The following S100Z variants were observed in gnomAD, a reference collection of about 807,000 sequenced individuals.
S100Z encodes protein S100-Z.
In S100Z, 11 loss-of-function variants were observed where a neutral mutation model predicts 8.5. The ratio of observed to expected loss-of-function variants is 1.30; its 90% CI spans 0.82 to 2.15. S100Z has a LOEUF of 2.15. Ranked by LOEUF, S100Z falls within the 30% of genes most tolerant of loss-of-function variation. The pLI is 0.00. For synonymous variants in S100Z, 34 were observed against 43.8 expected (o/e 0.78, Z 0.89); for missense variants, 126 against 117.9 (o/e 1.07, Z -0.32).
downstream of S100Z, among the ~76,000 whole-genome samples, chr5:76,924,874 C>G (rs867489019): frequency 6.6e-6 from 1 of 150,626 alleles, no homozygotes; most frequent in Non-Finnish European, 1.5e-5. Flanking sequence ...GATGGCGCCA[C>G]GGCACTCCAG....
the S100Z span, among the ~76,000 whole-genome samples, chr5:76,947,272 T>C: frequency 6.6e-6 from 1 of 151,686 alleles, no homozygotes; most frequent in East Asian, 2.0e-4. Context: ...ACGCTCAAGT[T>C]TGTTATCAGT....
the S100Z span, chr5:76,952,929 C>T: frequency 6.9e-6 from 4 of 576,534 alleles, no homozygotes; most frequent in African/African-American, 3.7e-5. Flanking sequence ...GTCATCGCCA[C>T]GTACTCTGTC....
At chr5:76,916,788 C>A (rs1223150790) in intron 4 of S100Z, among the ~76,000 whole-genome samples, 3 of 152,098 alleles carry the variant, frequency 2.0e-5, no homozygotes, top group Non-Finnish European at 4.4e-5. Flanking sequence ...CTAAAGAAGT[C>A]TTGAGAGGCA....
chr5:76,899,856 ATTAT>A (rs1744172592), intron 4 of S100Z, among the ~76,000 whole-genome samples: 2 of 151,982 alleles, frequency 1.3e-5, no homozygotes, highest in South Asian at 4.1e-4. Context: ...CCTTCAGGTG[ATTAT>A]TTATTGCTCA....
At chr5:76,935,490 C>A in the S100Z span, among the ~76,000 whole-genome samples, 1 of 152,106 alleles carries the variant, frequency 6.6e-6, no homozygotes, top group African/African-American at 2.4e-5. Flanking sequence ...AGTAAGCAAC[C>A]ACTTTGCTCA....
At chr5:76,866,565 G>T (rs891698859) in intron 1 of S100Z, among the ~76,000 whole-genome samples, 1 of 152,020 alleles carries the variant, frequency 6.6e-6, no homozygotes, top group Non-Finnish European at 1.5e-5. Context: ...GTCCTATAAA[G>T]GTGTACTATT....
At chr5:76,932,581 T>C in the S100Z span, among the ~76,000 whole-genome samples, 10 of 152,166 alleles carry the variant, frequency 6.6e-5, no homozygotes, top group Admixed American at 6.5e-4. Context: ...CTCGAACTCT[T>C]GGCCTCAAGT....
At position 76,876,614 on chromosome 5, in the gene S100Z, GC is replaced by G. The variant is rs553564150; in HGVS notation, c.142-1058del. 2.9e-3 allele frequency among the ~76,000 whole-genome samples: 448 copies of G among 152,170 alleles called. 4 individuals are homozygous for G. Among genetic ancestry groups the G allele is most frequent in the African/African-American group, 0.01 (430 of 41,514 alleles). ...TCGAACTCCTGACCTCAAGTGATCT[GC>G]CTGCCTCGGCCTCCCAAAGTGCTGA... On this transcript the variant is annotated intron_variant, in intron 3 of 4. Transcript: ENST00000317593.
chr5:76,850,353 A>AGAGAGAGAGAGAGG (rs1561218252), intron 1 of S100Z, among the ~76,000 whole-genome samples, 198 bp downstream of exon 1: 2 of 132,064 alleles, frequency 1.5e-5, no homozygotes, highest in Non-Finnish European at 3.1e-5. Flanking sequence ...AGAGAGAGAG[A>AGAGAGAGAGAGAGG]GAGAGGGAGA....
intron 2 of S100Z, among the ~76,000 whole-genome samples, chr5:76,874,050 G>A (rs1191058481): frequency 1.3e-5 from 2 of 151,840 alleles, no homozygotes; most frequent in Non-Finnish European, 2.9e-5. Context: ...CCTTACCCCT[G>A]ACAGCTCCCA....
At chr5:76,926,808 A>C in the S100Z span, among the ~76,000 whole-genome samples, 2 of 152,210 alleles carry the variant, frequency 1.3e-5, no homozygotes, top group African/African-American at 2.4e-5. Flanking sequence ...TGCAAAATAG[A>C]AAGGAAAAGA....
intron 4 of S100Z, among the ~76,000 whole-genome samples, chr5:76,907,104 G>T (rs1269491067): frequency 6.7e-6 from 1 of 148,392 alleles, no homozygotes; most frequent in Non-Finnish European, 1.5e-5. Flanking sequence ...GCTATTGAAG[G>T]TTCTTTTTTG....
At chr5:76,899,626 A>C (rs983178802) in intron 4 of S100Z, among the ~76,000 whole-genome samples, 1 of 152,176 alleles carries the variant, frequency 6.6e-6, no homozygotes, top group African/African-American at 2.4e-5. Context: ...AAAAACATAA[A>C]AACTCTATGC....
At chr5:76,876,591 G>A (rs1471357095) in intron 3 of S100Z, among the ~76,000 whole-genome samples, 1 of 151,932 alleles carries the variant, frequency 6.6e-6, no homozygotes, top group Non-Finnish European at 1.5e-5. Flanking sequence ...GGCTGGTCTC[G>A]AACTCCTGAC....
chr5:76,900,656 GT>G (rs1227664372), intron 4 of S100Z, among the ~76,000 whole-genome samples: 4 of 152,094 alleles, frequency 2.6e-5, no homozygotes, highest in Non-Finnish European at 4.4e-5. Context: ...ATTTCTTTGA[GT>G]TTCTTCAACA....
intron 4 of S100Z, among the ~76,000 whole-genome samples, chr5:76,903,827 G>A (rs922177063): frequency 2.6e-5 from 4 of 151,580 alleles, no homozygotes; most frequent in East Asian, 1.9e-4. Flanking sequence ...CCAGGTTCAA[G>A]CAATTCTTTG....
intron 2 of S100Z, among the ~76,000 whole-genome samples, chr5:76,872,940 T>G (rs1313416653): frequency 6.6e-6 from 1 of 152,032 alleles, no homozygotes. Context: ...ACCACTGCAC[T>G]CCAGCCTGGG....
chr5:76,870,330 C>G (rs1742963914), intron 2 of S100Z, 46 bp downstream of exon 2: 1 of 152,118 alleles, frequency 6.6e-6, no homozygotes, highest in South Asian at 2.1e-4. Context: ...AACATAATGT[C>G]TGATGGGGTT....
chr5:76,855,783 T>C (rs1750864935), intron 1 of S100Z, among the ~76,000 whole-genome samples: 1 of 152,164 alleles, frequency 6.6e-6, no homozygotes, highest in Admixed American at 6.6e-5. Context: ...GATGATTGTA[T>C]TTTGCAGTGT....
Sources: allele counts gnomAD v4.1 joint callset (sites outside exome capture counted in the v4.1 genomes callset), GRCh38; gene constraint gnomAD v4.1.1; transcripts MANE v1.5; gene names NCBI Gene and HGNC (gene_info 2026-07-23, HGNC 2026-07-21).